Variants in THTPA observed in about 807,000 individuals in gnomAD.
THTPA encodes the protein thiamine-triphosphatase.
THTPA carries 16 observed loss-of-function variants against 16.5 expected under a neutral mutation model. That is an observed-to-expected ratio of 0.97 (90% CI 0.66 to 1.47). The LOEUF is 1.47. Among genes scored for constraint, THTPA ranks in the 40% most tolerant of loss-of-function variants. The probability of loss-of-function intolerance (pLI) is 0.00; values close to 1 mark genes in which losing one functional copy is unlikely to be tolerated. For missense variants in THTPA, 281 were observed against 280.9 expected (o/e 1.00, Z 0.00); for synonymous variants, 110 against 115.5 (o/e 0.95, Z 0.30).
the THTPA span, among the ~76,000 whole-genome samples, chr14:23,536,355 T>C: frequency 6.6e-6 from 1 of 152,332 alleles, no homozygotes; most frequent in Non-Finnish European, 1.5e-5. Flanking sequence ...GTAAATTCCC[T>C]AAGTCTTGCC....
At chr14:23,533,178 C>G in the THTPA span, 1 of 1,441,186 alleles carries the variant, frequency 6.9e-7, no homozygotes, top group South Asian at 1.5e-5. This position sits in a 1 kb window ranked among gnomAD's most constrained non-coding sequence, Gnocchi z 4.8. Flanking sequence ...GGATAGTGCT[C>G]AGAGGGACTT....
the THTPA span, chr14:23,521,557 C>T: frequency 3.6e-5 from 6 of 165,320 alleles, no homozygotes; most frequent in South Asian, 9.6e-4. Context: ...CATGGGATAA[C>T]GTGTGTGTGT....
the THTPA span, chr14:23,529,543 G>A: frequency 1.0e-5 from 7 of 690,436 alleles, no homozygotes; most frequent in African/African-American, 5.3e-5. Flanking sequence ...CTCTGCCCCC[G>A]AAAGTGCTGA....
the THTPA span, chr14:23,532,485 T>C: frequency 7.2e-7 from 1 of 1,390,868 alleles, no homozygotes; most frequent in Non-Finnish European, 9.3e-7. Context: ...AGGGTTTTCC[T>C]ATCACTTTCT....
the THTPA span, among the ~76,000 whole-genome samples, chr14:23,519,598 C>G: frequency 2.0e-5 from 3 of 152,180 alleles, no homozygotes; most frequent in African/African-American, 7.2e-5. Context: ...ACAAAACTAA[C>G]TCCGCCTAAT....
chr14:23,540,447 T>G, the THTPA span, among the ~76,000 whole-genome samples: 7 of 152,232 alleles, frequency 4.6e-5, no homozygotes, highest in Non-Finnish European at 1.0e-4. Flanking sequence ...CCTCCCCTTT[T>G]TGTCTCAACC....
chr14:23,530,556 A>G, the THTPA span: 2 of 456,266 alleles, frequency 4.4e-6, no homozygotes, highest in African/African-American at 4.1e-5. Flanking sequence ...TGAAGAAGGA[A>G]GCCTTGGCTG....
At chr14:23,535,416 G>A in the THTPA span, 1 of 1,391,946 alleles carries the variant, frequency 7.2e-7, no homozygotes, top group South Asian at 1.8e-5. This position sits in a 1 kb window ranked among gnomAD's most constrained non-coding sequence, Gnocchi z 4.5. Context: ...GAGGCTGCAG[G>A]GACCCCAGCT....
the THTPA span, chr14:23,524,317 C>G: frequency 6.5e-7 from 1 of 1,536,350 alleles, no homozygotes; most frequent in Non-Finnish European, 8.7e-7. The surrounding 1 kb of genome is among the most constrained non-coding windows in gnomAD (Gnocchi z 5.6). Flanking sequence ...CCTGCATGTA[C>G]CAACGGTACA....
the THTPA span, chr14:23,530,178 G>A: frequency 6.5e-7 from 1 of 1,535,750 alleles, no homozygotes; most frequent in Non-Finnish European, 8.7e-7. Context: ...CAGCTAAGGG[G>A]GTGACAGGAG....
chr14:23,534,524 A>G, the THTPA span: 1 of 1,535,928 alleles, frequency 6.5e-7, no homozygotes, highest in Admixed American at 2.0e-5. The surrounding 1 kb of genome is among the most constrained non-coding windows in gnomAD (Gnocchi z 4.5). Flanking sequence ...AGGCCCTGAT[A>G]TTGGGCAGGG....
At chr14:23,545,621 G>A in the THTPA span, among the ~76,000 whole-genome samples, 1 of 152,150 alleles carries the variant, frequency 6.6e-6, no homozygotes, top group Non-Finnish European at 1.5e-5. Context: ...TTTCCCTAAA[G>A]CAGCAGGATT....
upstream of THTPA, among the ~76,000 whole-genome samples, chr14:23,553,594 C>T (rs966021147): frequency 5.3e-5 from 8 of 149,736 alleles, no homozygotes; most frequent in African/African-American, 1.2e-4. Context: ...AGTGAAACTC[C>T]GTCTCAAAAC....
chr14:23,530,276 G>T, the THTPA span: 1 of 1,101,260 alleles, frequency 9.1e-7, no homozygotes, highest in South Asian at 1.3e-5. Flanking sequence ...AGCAGGACAA[G>T]CAGCCAGTCA....
At chr14:23,528,483 T>G in the THTPA span, 10 of 558,920 alleles carry the variant, frequency 1.8e-5, no homozygotes, top group South Asian at 7.7e-5. Flanking sequence ...CCACCTTGGA[T>G]TTAGTTTTCT....
the THTPA span, chr14:23,521,813 G>C: frequency 7.5e-7 from 1 of 1,341,374 alleles, no homozygotes; most frequent in Non-Finnish European, 9.9e-7. Flanking sequence ...TGGGGTGTGT[G>C]GTGCCCACTG....
the THTPA span, chr14:23,530,497 A>G: frequency 1.7e-6 from 1 of 583,142 alleles, no homozygotes; most frequent in Admixed American, 2.3e-5. Flanking sequence ...CCCTGTCTTA[A>G]ATGACCCAGG....
chr14:23,523,329 G>A, the THTPA span: 1 of 1,457,588 alleles, frequency 6.9e-7, no homozygotes, highest in Non-Finnish European at 9.0e-7. The surrounding 1 kb of genome is among the most constrained non-coding windows in gnomAD (Gnocchi z 4.1). Context: ...GTGGTGGCAG[G>A]TGGGGCCTTG....
chr14:23,512,354 C>T, the THTPA span, among the ~76,000 whole-genome samples: 3 of 151,720 alleles, frequency 2.0e-5, no homozygotes, highest in African/African-American at 4.9e-5. Flanking sequence ...AAAGGGTGAT[C>T]GAGGAATCAA....
Sources: allele counts gnomAD v4.1 joint callset (sites outside exome capture counted in the v4.1 genomes callset), GRCh38; gene constraint gnomAD v4.1.1; non-coding constraint Gnocchi (gnomAD v3.1); transcripts MANE v1.5; gene names NCBI Gene and HGNC (gene_info 2026-07-23, HGNC 2026-07-21).